The following RASAL2 variants were observed in gnomAD, a reference collection of about 807,000 sequenced individuals.
RASAL2 encodes the protein ras GTPase-activating protein nGAP.
Under a neutral mutation model 128.9 loss-of-function variants are expected in RASAL2, and 58 were observed. That is an observed-to-expected ratio of 0.45 (90% CI 0.36 to 0.56). The LOEUF is 0.56. Ranked by LOEUF, RASAL2 falls within the 20% of genes least tolerant of loss-of-function variation. RASAL2 has a pLI of 0.00. For missense variants in RASAL2, 1,360 were observed against 1,601.6 expected (o/e 0.85, Z 2.57); for synonymous variants, 561 against 580.8 (o/e 0.97, Z 0.49).
chr1:178,378,131 T>C (rs542132624), intron 3 of RASAL2, among the ~76,000 whole-genome samples: 4 of 151,618 alleles, frequency 2.6e-5, no homozygotes, highest in African/African-American at 9.7e-5. Flanking sequence ...ATAAATATTG[T>C]CAGACTGGAT....
At chr1:178,339,658 C>T (rs1177602878) in intron 3 of RASAL2, among the ~76,000 whole-genome samples, 1 of 152,162 alleles carries the variant, frequency 6.6e-6, no homozygotes, top group Non-Finnish European at 1.5e-5. Context: ...CCACTTTAGC[C>T]ATTTTATTTC....
chr1:178,115,472 G>A (rs1659492205), intron 1 of RASAL2, among the ~76,000 whole-genome samples: 1 of 152,192 alleles, frequency 6.6e-6, no homozygotes, highest in South Asian at 2.1e-4. Context: ...GACCAAAAGG[G>A]TGAATAGGAG....
At chr1:178,104,927 T>C (rs993509099) in intron 1 of RASAL2, among the ~76,000 whole-genome samples, 3 of 152,218 alleles carry the variant, frequency 2.0e-5, no homozygotes, top group Admixed American at 2.0e-4. Context: ...ACCCTCCAAC[T>C]GAAATAACTT....
chr1:178,380,338 A>C (rs1230263203), intron 3 of RASAL2, among the ~76,000 whole-genome samples: 1 of 152,236 alleles, frequency 6.6e-6, no homozygotes, highest in East Asian at 1.9e-4. Context: ...AAAGAAAAAA[A>C]TTAGAAGAAA....
intron 1 of RASAL2, among the ~76,000 whole-genome samples, chr1:178,262,305 A>G (rs1665734493): frequency 6.6e-6 from 1 of 152,180 alleles, no homozygotes; most frequent in Admixed American, 6.5e-5. Flanking sequence ...TATAATACCA[A>G]TTGGTGCTTG....
At chr1:178,454,844 AAT>A (rs942575413) in intron 12 of RASAL2, among the ~76,000 whole-genome samples, 196 bp downstream of exon 12, 4 of 152,142 alleles carry the variant, frequency 2.6e-5, no homozygotes, top group Admixed American at 1.3e-4. Flanking sequence ...TGACATTATT[AAT>A]ATATGTTTTT....
At chr1:178,297,740 ATTTTAAG>A in intron 2 of RASAL2, among the ~76,000 whole-genome samples, 1 of 152,034 alleles carries the variant, frequency 6.6e-6, no homozygotes. Flanking sequence ...CTTTTATCAT[ATTTTAAG>A]TTTTAATACT....
intron 2 of RASAL2, among the ~76,000 whole-genome samples, chr1:178,285,110 T>C (rs908233095): frequency 8.6e-5 from 11 of 127,696 alleles, no homozygotes; most frequent in African/African-American, 2.7e-4. Context: ...TTTCTTTTTT[T>C]TTTTTTTTTT....
intron 1 of RASAL2, among the ~76,000 whole-genome samples, chr1:178,247,298 G>A (rs1389826767): frequency 6.6e-6 from 1 of 151,842 alleles, no homozygotes; most frequent in African/African-American, 2.4e-5. Flanking sequence ...GTCTTGGCAG[G>A]GTGTGTGTGT....
intron 4 of RASAL2, among the ~76,000 whole-genome samples, chr1:178,399,145 A>G (rs1040048177): frequency 2.6e-5 from 4 of 152,152 alleles, no homozygotes; most frequent in Non-Finnish European, 4.4e-5. Flanking sequence ...TCTGTTGCCC[A>G]CTTCCCCACT....
chr1:178,277,457 C>G (rs186569347), intron 1 of RASAL2, among the ~76,000 whole-genome samples: 2 of 152,280 alleles, frequency 1.3e-5, no homozygotes, highest in Non-Finnish European at 2.9e-5. Context: ...CCGTTCCTGG[C>G]CAGATGTTTT....
In RASAL2 at chr1:178,258,164, C is replaced by T. The variant is rs966142995; in HGVS notation, c.203-25400C>T. Among the ~76,000 whole-genome samples, 89 of 151,666 alleles carry T rather than the reference C, an allele frequency of 5.9e-4. 1 individual carries two copies. The highest frequency in any genetic ancestry group is 2.0e-3 in the African/African-American group (83 of 41,392). ...TAAAAATTAGCCAGGCATGGTGGCA[C>T]GCACCTGTAGTCCCAGCTACTCGGG... On this transcript the variant is annotated intron_variant, in intron 1 of 17. Coordinates refer to ENST00000367649, the MANE Select transcript of RASAL2 (RefSeq NM_170692.4).
intron 11 of RASAL2, among the ~76,000 whole-genome samples, chr1:178,453,691 T>C (rs1677557656): frequency 2.0e-5 from 3 of 152,118 alleles, no homozygotes; most frequent in Non-Finnish European, 2.9e-5. Flanking sequence ...TTTTATAATT[T>C]ATAGAAAATA....
intron 1 of RASAL2, among the ~76,000 whole-genome samples, chr1:178,105,378 C>T (rs536468385): frequency 5.3e-5 from 8 of 152,306 alleles, no homozygotes; most frequent in African/African-American, 1.9e-4. Flanking sequence ...ATAAGCTTGT[C>T]TTGCTAGGCC....
intron 7 of RASAL2, among the ~76,000 whole-genome samples, chr1:178,442,317 G>A (rs1676710015): frequency 6.6e-6 from 1 of 152,124 alleles, no homozygotes; most frequent in Admixed American, 6.5e-5. Context: ...TCAGAAGCTA[G>A]TACATGATAG....
chr1:178,354,930 G>C (rs1320528130), intron 3 of RASAL2, among the ~76,000 whole-genome samples: 1 of 152,150 alleles, frequency 6.6e-6, no homozygotes, highest in African/African-American at 2.4e-5. Flanking sequence ...ATCTTGTGAA[G>C]CCTGGGCAAC....
At chr1:178,424,301 G>C (rs955226223) in intron 5 of RASAL2, among the ~76,000 whole-genome samples, 3 of 151,156 alleles carry the variant, frequency 2.0e-5, no homozygotes, top group African/African-American at 7.3e-5. Context: ...GGAGTGTAGT[G>C]GCACAATCTC....
chr1:178,356,845 G>A (rs1458362869), intron 3 of RASAL2, among the ~76,000 whole-genome samples: 1 of 152,068 alleles, frequency 6.6e-6, no homozygotes, highest in Non-Finnish European at 1.5e-5. Context: ...GCTATTCTCT[G>A]TGGGGCATCA....
chr1:178,108,909 T>A (rs566241942), intron 1 of RASAL2, among the ~76,000 whole-genome samples: 1 of 152,344 alleles, frequency 6.6e-6, no homozygotes, highest in East Asian at 1.9e-4. Context: ...TGAATAGTTT[T>A]GTATTTAAAA....
Sources: gnomAD v4.1 joint callset for allele counts (sites outside exome capture counted in the v4.1 genomes callset) on GRCh38, gnomAD v4.1.1 for gene constraint, MANE v1.5 for transcripts, NCBI Gene and HGNC (gene_info 2026-07-23, HGNC 2026-07-21) for gene names.